Variants in FRMD6 observed in about 807,000 individuals in gnomAD.
The protein encoded by FRMD6 is FERM domain-containing protein 6.
A neutral mutation model predicts 73.2 loss-of-function variants in FRMD6; 37 were observed. The observed-to-expected ratio is 0.51, with a 90% CI of 0.39 to 0.66. The LOEUF is 0.66. Among genes scored for constraint, FRMD6 ranks in the 30% least tolerant of loss-of-function variants. The pLI is 0.00. For missense variants in FRMD6, 714 were observed against 780.5 expected (o/e 0.91, Z 1.02); for synonymous variants, 273 against 282.2 (o/e 0.97, Z 0.33).
intron 1 of FRMD6, among the ~76,000 whole-genome samples, chr14:51,499,465 C>A (rs535016706): frequency 7.2e-5 from 11 of 152,334 alleles, no homozygotes; most frequent in African/African-American, 2.6e-4. Flanking sequence ...ATAAAAGCTT[C>A]AACTACATTA....
At chr14:51,598,591 G>A (rs1254774633) in intron 2 of FRMD6, among the ~76,000 whole-genome samples, 2 of 152,080 alleles carry the variant, frequency 1.3e-5, no homozygotes, top group African/African-American at 4.8e-5. Context: ...GGCCTCCAGG[G>A]TCTACTGCCG....
chr14:51,604,085 C>T (rs1385273823), intron 2 of FRMD6, among the ~76,000 whole-genome samples: 2 of 152,166 alleles, frequency 1.3e-5, no homozygotes, highest in South Asian at 2.1e-4. Flanking sequence ...AGAAGAGCCA[C>T]TGGCTTTGTC....
chr14:51,690,180 A>T (rs902187446), intron 2 of FRMD6, among the ~76,000 whole-genome samples: 14 of 152,138 alleles, frequency 9.2e-5, no homozygotes, highest in Admixed American at 5.2e-4. Context: ...AAAAACAAAC[A>T]TTTGCTATTT....
At chr14:51,569,930 C>T (rs61969816) in intron 1 of FRMD6, among the ~76,000 whole-genome samples, 17,020 of 151,954 alleles carry the variant, frequency 0.11, 1,206 homozygotes, top group Non-Finnish European at 0.15. Context: ...ATTCTCCTGC[C>T]TCAGCCTCCC....
At position 51,729,229 on chromosome 14, in the gene FRMD6, A is replaced by G. The variant is rs1898138811; in HGVS notation, c.*1200A>G. The G allele has an allele frequency of 6.6e-6, 1 of 152,170 alleles. No homozygotes were observed. The highest frequency in any genetic ancestry group is 1.5e-5 in the Non-Finnish European group (1 of 68,032). The allele number at this position is 152,170 out of a possible 1,614,324, so 9.4% of individuals were successfully genotyped here. On this transcript the variant is annotated 3_prime_UTR_variant, in exon 14 of 14. Transcript: ENST00000344768. The stretch of plus-strand genomic sequence containing the variant: ...CATCATTCTCTTGTGGCGGGACCCA[A>G]GTAGAATTGCCTTTTCTTTTAAAGT...
At chr14:51,478,516 GAAATA>G in the FRMD6 span, among the ~76,000 whole-genome samples, 1 of 152,230 alleles carries the variant, frequency 6.6e-6, no homozygotes, top group South Asian at 2.1e-4. Context: ...TAAAAATTTT[GAAATA>G]AAATGTTTCT....
the FRMD6 span, among the ~76,000 whole-genome samples, chr14:51,398,315 A>G: frequency 6.6e-6 from 1 of 152,060 alleles, no homozygotes; most frequent in Non-Finnish European, 1.5e-5. Flanking sequence ...CCGTGAACAC[A>G]TAGAGGAGGC....
intron 2 of FRMD6, among the ~76,000 whole-genome samples, chr14:51,629,838 A>G (rs1417322547): frequency 6.6e-6 from 1 of 152,230 alleles, no homozygotes; most frequent in Non-Finnish European, 1.5e-5. Flanking sequence ...CATCTATAAA[A>G]TAAGAACACT....
chr14:51,496,186 C>CA (rs1883282462), intron 1 of FRMD6, among the ~76,000 whole-genome samples: 2 of 152,194 alleles, frequency 1.3e-5, no homozygotes, highest in South Asian at 4.1e-4. Context: ...ATGGTGGTGA[C>CA]AGTGTTCCAA....
the FRMD6 span, among the ~76,000 whole-genome samples, chr14:51,457,144 C>T: frequency 6.6e-6 from 1 of 152,010 alleles, no homozygotes; most frequent in Admixed American, 6.6e-5. Flanking sequence ...AATATTCTCA[C>T]CACAAAGAAA....
chr14:51,557,692 T>C (rs1473865401), intron 1 of FRMD6, among the ~76,000 whole-genome samples: 4 of 152,076 alleles, frequency 2.6e-5, no homozygotes, highest in Admixed American at 1.3e-4. Context: ...AAAATAAATA[T>C]GTGAGGTAAT....
chr14:51,525,070 AATAGATAGATAG>A (rs75865493), intron 1 of FRMD6, among the ~76,000 whole-genome samples: 1,720 of 101,948 alleles, frequency 0.017, 19 homozygotes, highest in African/African-American at 0.031. Flanking sequence ...AGACAAATAG[AATAGATAGATAG>A]ATAGATAGAT....
rs546567949 is a variant in FRMD6, at chr14:51,533,481, G to A, written c.-209-36867G>A. Among the ~76,000 whole-genome samples, 5 of 152,242 alleles carry A rather than the reference G, an allele frequency of 3.3e-5. No homozygotes were observed. The East Asian group carries it at 9.7e-4, about 29-fold the overall frequency. On this transcript the variant is annotated intron_variant, in intron 1 of 14. Coordinates refer to the FRMD6 transcript ENST00000356218. Reference sequence around the variant, plus strand: ...TGAGCAACACACTGGTGTTTTTACAGGAGTCTAATGCATAGAGATTACGGC... The same window carrying A: ...TGAGCAACACACTGGTGTTTTTACAAGAGTCTAATGCATAGAGATTACGGC...
At chr14:51,499,054 G>A (rs1383984782) in intron 1 of FRMD6, among the ~76,000 whole-genome samples, 1 of 152,214 alleles carries the variant, frequency 6.6e-6, no homozygotes, top group African/African-American at 2.4e-5. Context: ...AGATGGGACA[G>A]GTTTCCTGGC....
chr14:51,546,659 A>G (rs1408719047), intron 1 of FRMD6: 1 of 151,296 alleles, frequency 6.6e-6, no homozygotes, highest in Non-Finnish European at 1.5e-5. Flanking sequence ...CCAAAATACA[A>G]TTGTCTACTC....
Position 51,729,760 on chromosome 14 carries a change from C to G in FRMD6, c.*1731C>G, listed in dbSNP as rs1348562911. On this transcript the variant is annotated 3_prime_UTR_variant, in exon 14 of 14. Transcript: ENST00000344768. ...TGAGCTGGAACATGCCCTGTCTGTG[C>G]TGTCCCTCCTGTGCTGGGTCGCGGA... is the stretch of plus-strand genomic sequence containing the variant. The G allele has an allele frequency of 6.6e-6, 1 of 152,624 alleles. No homozygotes were observed. The highest frequency in any genetic ancestry group is 2.4e-5 in the African/African-American group (1 of 41,450). 9.5% of individuals were successfully genotyped at this position (152,624 alleles called of 1,614,324 possible).
chr14:51,406,984 A>G, the FRMD6 span, among the ~76,000 whole-genome samples: 1 of 152,130 alleles, frequency 6.6e-6, no homozygotes, highest in Admixed American at 6.5e-5. Context: ...AACTTGATAA[A>G]CTGTTACTAG....
intron 10 of FRMD6, among the ~76,000 whole-genome samples, chr14:51,718,527 C>G (rs539442421): frequency 6.6e-6 from 1 of 152,208 alleles, no homozygotes; most frequent in Non-Finnish European, 1.5e-5. Context: ...GCTGTGAAAC[C>G]ACAGTGAATA....
chr14:51,486,224 CG>C (rs1335993749), upstream of FRMD6, among the ~76,000 whole-genome samples: 3 of 151,652 alleles, frequency 2.0e-5, no homozygotes, highest in African/African-American at 7.3e-5. Context: ...TTAGTAGAGA[CG>C]GGGTTTCACC....
Sources: allele counts gnomAD v4.1 joint callset (sites outside exome capture counted in the v4.1 genomes callset), GRCh38; gene constraint gnomAD v4.1.1; transcripts MANE v1.5; gene names NCBI Gene and HGNC (gene_info 2026-07-23, HGNC 2026-07-21).